The following MALRD1 variants were observed in gnomAD, a reference collection of about 807,000 sequenced individuals.
MALRD1 encodes MAM and LDL receptor class A domain containing 1.
Under a neutral mutation model 242.1 loss-of-function variants are expected in MALRD1, and 247 were observed. That is an observed-to-expected ratio of 1.02 (90% CI 0.92 to 1.13). The LOEUF (loss-of-function observed/expected upper bound fraction) is 1.13. MALRD1 is among the 50% of genes most tolerant of loss of function. The pLI, the probability that MALRD1 is intolerant of heterozygous loss-of-function variation, is 0.00. For missense variants in MALRD1, 2,989 were observed against 2,533.1 expected (o/e 1.18, Z -3.86); for synonymous variants, 995 against 866.6 (o/e 1.15, Z -2.60).
chr10:19,319,512 T>C (rs1422321762), intron 21 of MALRD1, among the ~76,000 whole-genome samples: 1 of 152,152 alleles, frequency 6.6e-6, no homozygotes, highest in African/African-American at 2.4e-5. Context: ...CTAATTCCAC[T>C]CTGTCTTAAT....
chr10:19,360,603 T>A (rs376824515), intron 26 of MALRD1, among the ~76,000 whole-genome samples: 1 of 152,138 alleles, frequency 6.6e-6, no homozygotes, highest in Admixed American at 6.6e-5. Flanking sequence ...AGAAATTGTA[T>A]ACAATTCTGT....
At chr10:19,096,504 A>G (rs1394047344) in intron 4 of MALRD1, among the ~76,000 whole-genome samples, 2 of 152,218 alleles carry the variant, frequency 1.3e-5, no homozygotes, top group Admixed American at 6.5e-5. Flanking sequence ...CGGCTACACC[A>G]GCCTTTTCGG....
At chr10:19,678,960 ATTGATTTGCATATG>A (rs1449959656) in intron 36 of MALRD1, among the ~76,000 whole-genome samples, 1 of 152,158 alleles carries the variant, frequency 6.6e-6, no homozygotes, top group East Asian at 1.9e-4. Context: ...AATTATGCTT[ATTGATTTGCATATG>A]TTGAACCAGC....
chr10:19,503,332 A>C (rs1393548909), intron 31 of MALRD1, among the ~76,000 whole-genome samples: 1 of 152,242 alleles, frequency 6.6e-6, no homozygotes, highest in African/African-American at 2.4e-5. Context: ...TCTAAGCATC[A>C]CAGCAGAGCT....
chr10:19,352,195 G>C lies in MALRD1; in HGVS notation c.4339G>C (p.Gly1447Arg), dbSNP rs1463220708. The C allele has an allele frequency of 1.3e-6, 2 of 1,550,340 alleles. No individual in the cohort carries two copies. Among genetic ancestry groups the C allele is most frequent in the Non-Finnish European group, 1.7e-6 (2 of 1,146,924 alleles). The part of the protein sequence containing the change: ...QLKFEGRVGK[G>R]QRGDIALDDI... ...CAAATTTGAAGGTAGAGTTGGGAAA[G>C]GTCAGCGTGGAGACATTGCACTTGA... Residue 1447 changes from glycine to arginine, a missense_variant, in exon 26 of 40, where the codon GGT becomes CGT. Coordinates refer to ENST00000454679, the MANE Select transcript of MALRD1 (RefSeq NM_001142308.3).
intron 31 of MALRD1, among the ~76,000 whole-genome samples, chr10:19,507,959 G>A (rs749593483): frequency 3.3e-5 from 5 of 152,138 alleles, no homozygotes; most frequent in Non-Finnish European, 7.4e-5. Context: ...TGGAATATCT[G>A]TTGAATAAAT....
chr10:19,162,914 C>A (rs1289188701), intron 12 of MALRD1, among the ~76,000 whole-genome samples: 1 of 151,674 alleles, frequency 6.6e-6, no homozygotes, highest in Non-Finnish European at 1.5e-5. Context: ...GGGTGGAGTG[C>A]TTGAGTCCAG....
chr10:19,217,428 C>A (rs1053040977), intron 18 of MALRD1, among the ~76,000 whole-genome samples: 6 of 150,982 alleles, frequency 4.0e-5, no homozygotes, highest in Admixed American at 6.6e-5. Flanking sequence ...TAGTTTTTTA[C>A]TTCACTTTCT....
At chr10:19,645,587 G>T (rs183418090) in intron 36 of MALRD1, among the ~76,000 whole-genome samples, 1 of 152,088 alleles carries the variant, frequency 6.6e-6, no homozygotes, top group African/African-American at 2.4e-5. Context: ...AGGGACATGG[G>T]TGAAGCTGGA....
intron 28 of MALRD1, among the ~76,000 whole-genome samples, chr10:19,415,824 T>C (rs562924937): frequency 5.9e-5 from 9 of 152,222 alleles, no homozygotes; most frequent in Non-Finnish European, 1.0e-4. Flanking sequence ...ATGGTCTTTA[T>C]AAAATCTCTA....
chr10:19,350,948 A>C (rs191978991), intron 25 of MALRD1, among the ~76,000 whole-genome samples: 6 of 152,236 alleles, frequency 3.9e-5, no homozygotes, highest in Middle Eastern at 3.4e-3. Context: ...CATAATGATC[A>C]CAGAGCTCAT....
At chr10:19,615,516 C>CAAAAGAAAAAAAAAA (rs1839106325) in intron 35 of MALRD1, among the ~76,000 whole-genome samples, 1 of 37,244 alleles carries the variant, frequency 2.7e-5, no homozygotes, top group African/African-American at 1.4e-4. Context: ...GACCCTGCCT[C>CAAAAGAAAAAAAAAA]AAAAAAAAAA....
chr10:19,593,897 T>G (rs997654808), intron 33 of MALRD1, among the ~76,000 whole-genome samples: 18 of 152,334 alleles, frequency 1.2e-4, no homozygotes, highest in Admixed American at 2.0e-4. Context: ...GGATTCCTAA[T>G]GCAACGTCTT....
At chr10:19,660,299 G>A (rs750027321) in intron 36 of MALRD1, among the ~76,000 whole-genome samples, 1 of 151,964 alleles carries the variant, frequency 6.6e-6, no homozygotes, top group Non-Finnish European at 1.5e-5. Context: ...TGACATTCTG[G>A]GTTATACAGC....
intron 36 of MALRD1, among the ~76,000 whole-genome samples, chr10:19,688,376 C>T (rs1432953170): frequency 2.0e-5 from 3 of 152,136 alleles, no homozygotes; most frequent in Non-Finnish European, 4.4e-5. Flanking sequence ...AGTTCTCTCA[C>T]CTTAGTCTCC....
intron 1 of MALRD1, among the ~76,000 whole-genome samples, chr10:19,062,934 C>T (rs896060882): frequency 6.6e-6 from 1 of 151,984 alleles, no homozygotes; most frequent in Non-Finnish European, 1.5e-5. Flanking sequence ...ATGCTTGAAC[C>T]CAGAAGTTCA....
intron 14 of MALRD1, among the ~76,000 whole-genome samples, chr10:19,181,935 T>C (rs12247241): frequency 0.3 from 45,729 of 151,900 alleles, 7,191 homozygotes; most frequent in Admixed American, 0.37. Flanking sequence ...TAATGATAAC[T>C]GGAATAGAGA....
chr10:19,146,363 T>TAA lies in MALRD1; in HGVS notation c.1558+27_1558+28dup, dbSNP rs148324352. ...AATCATGGTAGGACATTTTCCTCTT[T>TAA]AAAAAAAAATAGTTTTCTTTCTTGC... On this transcript the variant is annotated intron_variant, in intron 11 of 39. Coordinates refer to ENST00000454679, the MANE Select transcript of MALRD1 (RefSeq NM_001142308.3). The TAA allele has an allele frequency of 5.6e-5, 67 of 1,201,716 alleles. No homozygotes were observed. The highest frequency in any genetic ancestry group is 6.3e-5 in the African/African-American group (4 of 63,472). The allele number at this position is 1,201,716 out of a possible 1,614,324, so 74.4% of individuals were successfully genotyped here. A position where few individuals can be genotyped will look rare whatever the true frequency, so the allele number is the denominator to read the frequency against.
At chr10:19,207,243 C>T (rs145567202) in intron 17 of MALRD1, among the ~76,000 whole-genome samples, 86 of 152,286 alleles carry the variant, frequency 5.6e-4, no homozygotes, top group African/African-American at 2.1e-3. Flanking sequence ...ATTCTAAAAT[C>T]TGTCCCCTTC....
Sources: gnomAD v4.1 joint callset for allele counts (sites outside exome capture counted in the v4.1 genomes callset) on GRCh38, gnomAD v4.1.1 for gene constraint, MANE v1.5 for transcripts, NCBI Gene and HGNC (gene_info 2026-07-23, HGNC 2026-07-21) for gene names.